The following DKC1 variants were observed in gnomAD, a reference collection of about 807,000 sequenced individuals.
The protein encoded by DKC1 is H/ACA ribonucleoprotein complex subunit DKC1.
A neutral mutation model predicts 46.7 loss-of-function variants in DKC1; 4 were observed. The ratio of observed to expected loss-of-function variants is 0.09; its 90% CI spans 0.04 to 0.20. DKC1 has a LOEUF of 0.20. Among genes scored for constraint, DKC1 ranks in the 10% least tolerant of loss-of-function variants. DKC1 has a pLI of 1.00. For synonymous variants in DKC1, 141 were observed against 142.4 expected (o/e 0.99, Z 0.07); for missense variants, 171 against 404.2 (o/e 0.42, Z 4.95).
rs138939514 is a variant in DKC1 at position 154,776,759 on chromosome X, G to A, written c.1477-40G>A. 6.0e-6 allele frequency: 7 copies of A among 1,159,907 alleles called. No homozygotes were observed. In the East Asian group the frequency reaches 1.8e-4, roughly 30 times the overall value. Reference sequence around the variant, plus strand: ...TTCTGGGAGAGTCATAGCTTTGTTAGTGGATGGTATCTGTGAGCTTTCATT... The same window carrying A: ...TTCTGGGAGAGTCATAGCTTTGTTAATGGATGGTATCTGTGAGCTTTCATT... On this transcript the variant is annotated intron_variant, in intron 14 of 14. Transcript: ENST00000369550.
At chrX:154,771,559 A>G (rs1436723022) in intron 10 of DKC1, among the ~76,000 whole-genome samples, 5 of 106,773 alleles carry the variant, frequency 4.7e-5, no homozygotes, top group African/African-American at 1.7e-4. Context: ...AGTCTCTGGT[A>G]ACCATTCTTT....
chrX:154,775,174 C>T (rs782263732), intron 12 of DKC1, 21 bp from the exon 13 acceptor site: 2 of 1,201,330 alleles, frequency 1.7e-6, no homozygotes, highest in Admixed American at 4.3e-5. Flanking sequence ...TGAATTTGAC[C>T]TATTGCTACC....
intron 1 of DKC1, among the ~76,000 whole-genome samples, chrX:154,764,566 TAA>T (rs1448023165): frequency 1.8e-5 from 2 of 111,967 alleles, no homozygotes; most frequent in Non-Finnish European, 3.8e-5. Flanking sequence ...TCCTTATTTA[TAA>T]GTTTTCTATT....
At position 154,773,269 on chromosome X, in the gene DKC1, G is replaced by A. The variant is rs782743841; in HGVS notation, c.1155+20G>A. 4.2e-5 allele frequency: 37 copies of A among 874,124 alleles called. No individual in the cohort carries two copies. The highest frequency in any genetic ancestry group is 2.6e-4 in the East Asian group (8 of 31,246). 72.0% of individuals were successfully genotyped at this position (874,124 alleles called of 1,213,427 possible). ...CCAAAGGTAAGTGGTACTGGGTTGC[G>A]TGCCCTGCCAGGTTCTTTTTTTTTT... is the stretch of plus-strand genomic sequence containing the variant. On this transcript the variant is annotated intron_variant, in intron 11 of 14. Transcript: ENST00000369550.
In DKC1 at chrX:154,769,211, G is replaced by A; in HGVS notation, c.816G>A (p.Leu272=). 8.3e-7 allele frequency: 1 copy of A among 1,210,575 alleles called. No homozygotes were observed. Residue 272 remains leucine, a synonymous_variant, in exon 9 of 15, where the codon CTG becomes CTA. Coordinates refer to ENST00000369550, the MANE Select transcript of DKC1 (RefSeq NM_001363.5). The part of the protein sequence containing the change: ...TMHDVLDAQW[L]YDNHKDESYL... ...ATGATGTGCTTGATGCTCAGTGGCT[G>A]TATGATAACCACAAGGATGAGAGTT...
rs1557264307 is a variant in DKC1 at position 154,767,396 on chromosome X, C to T, written c.640+14C>T. 1 of 1,210,110 alleles carries T rather than the reference C, an allele frequency of 8.3e-7. No homozygotes were observed. Among genetic ancestry groups the T allele is most frequent in the East Asian group, 3.0e-5 (1 of 33,854 alleles). ...AAAGAAGATTAGGTGAGTCATTAGG[C>T]CTGTGAGTGGGTATGAACACATTCT... is the stretch of plus-strand genomic sequence containing the variant. On this transcript the variant is annotated intron_variant, in intron 7 of 14. Coordinates refer to ENST00000369550, the MANE Select transcript of DKC1 (RefSeq NM_001363.5).
chrX:154,776,282 G>C lies in DKC1; in HGVS notation c.1434G>C (p.Lys478Asn). The C allele has an allele frequency of 8.3e-7, 1 of 1,207,771 alleles. No individual in the cohort carries two copies. The highest frequency in any genetic ancestry group is 1.1e-6 in the Non-Finnish European group (1 of 893,105). Residue 478 changes from lysine (K) to asparagine (N), a missense_variant, in exon 14 of 15, where the codon AAG becomes AAC. By Grantham distance (94) the Lys-to-Asn change is moderately conservative. This residue lies in a region of DKC1 where 54 missense variants were observed against 64.4 expected (regional missense o/e 0.84). Transcript: ENST00000369550. Reference sequence around the variant, plus strand: ...AGAAGAAGAGTAAGAAGGACAAGAAGGCCAAAGCTGGTCTGGAGAGCGGGG... The same window carrying C: ...AGAAGAAGAGTAAGAAGGACAAGAACGCCAAAGCTGGTCTGGAGAGCGGGG... ...KEKKKSKKDK[K>N]AKAGLESGAE...
At chrX:154,767,219 T>C in intron 6 of DKC1, 37 bp from the exon 7 acceptor site, 1 of 1,211,433 alleles carries the variant, frequency 8.3e-7, no homozygotes, top group Non-Finnish European at 1.1e-6. Context: ...ATGTACATTC[T>C]GATGAGGTGT....
intron 7 of DKC1, 134 bp downstream of exon 7, chrX:154,767,516 G>T (rs2071761118): frequency 1.4e-5 from 11 of 789,525 alleles, no homozygotes; most frequent in Non-Finnish European, 2.1e-5. Context: ...GTGGGCGATA[G>T]TTTTTGTTAT....
At chrX:154,764,511 A>G (rs1206361091) in intron 1 of DKC1, among the ~76,000 whole-genome samples, 1 of 111,981 alleles carries the variant, frequency 8.9e-6, no homozygotes, top group Non-Finnish European at 1.9e-5. Flanking sequence ...TTAGCTTAAA[A>G]CAAACACATT....
chrX:154,776,771 T>G, intron 14 of DKC1, 28 bp from the exon 15 acceptor site: 1 of 1,189,705 alleles, frequency 8.4e-7, no homozygotes. Flanking sequence ...GGATGGTATC[T>G]GTGAGCTTTC....
chrX:154,774,559 G>A, intron 11 of DKC1, 43 bp from the exon 12 acceptor site: 1 of 1,123,768 alleles, frequency 8.9e-7, no homozygotes, highest in Non-Finnish European at 1.2e-6. Flanking sequence ...CCCGCTTCCA[G>A]CATTGACACC....
intron 8 of DKC1, 94 bp downstream of exon 8, chrX:154,768,526 C>T: frequency 8.9e-7 from 1 of 1,125,912 alleles, no homozygotes; most frequent in East Asian, 3.0e-5. Flanking sequence ...GGGAAAGATG[C>T]TTTCCAAAGT....
At chrX:154,770,932 G>A in intron 10 of DKC1, 53 bp downstream of exon 10, 2 of 1,146,144 alleles carry the variant, frequency 1.7e-6, no homozygotes, top group South Asian at 1.8e-5. Context: ...TTACATACTA[G>A]GTGTATATAT....
chrX:154,766,206 T>G lies in DKC1; in HGVS notation c.264-10T>G. 1 of 1,205,236 alleles carries G rather than the reference T, an allele frequency of 8.3e-7. No individual in the cohort carries two copies. Among genetic ancestry groups the G allele is most frequent in the East Asian group, 3.0e-5 (1 of 33,837 alleles). ...GGGTGATACATTAATTTTTTTTTTT[T>G]CCATTCCAGGACAGGTTTCATTAAT... On this transcript the variant is annotated splice_polypyrimidine_tract_variant and intron_variant, in intron 4 of 14. Coordinates refer to ENST00000369550, the MANE Select transcript of DKC1 (RefSeq NM_001363.5).
chrX:154,768,668 T>C (rs1569558547), intron 8 of DKC1: 1 of 491,302 alleles, frequency 2.0e-6, no homozygotes, highest in Non-Finnish European at 3.6e-6. Context: ...AAATGCCTGC[T>C]TGGGGTCTAA....
chrX:154,763,066 G>A (rs1205077800), intron 1 of DKC1, 85 bp downstream of exon 1: 2 of 1,065,751 alleles, frequency 1.9e-6, no homozygotes, highest in Non-Finnish European at 2.6e-6. Context: ...GCCCGCGCAC[G>A]CCTCCCTCTG....
In DKC1 at chrX:154,775,270, G is replaced by A. The variant is rs782765291; in HGVS notation, c.1335G>A (p.Ala445=). 14 of 1,209,060 alleles carry A rather than the reference G, an allele frequency of 1.2e-5. No homozygotes were observed. The highest frequency in any genetic ancestry group is 2.6e-4 in the Middle Eastern group (1 of 3,810). Residue 445 remains alanine, a synonymous_variant, in exon 13 of 15, where the codon GCG becomes GCA. Transcript: ENST00000369550. ...TAGTTGCCGAAGCAGCAAAAACTGC[G>A]AAGGTGAGTGGCATGCTGTCCTCAG... ...PQVVAEAAKT[A]KRKRESESES...
chrX:154,762,958 AG>A lies in DKC1; in HGVS notation c.-5del. Reference sequence around the variant, plus strand: ...GGACCGGGCGGCACGCACGCGGTGCAGGGTAACATGGCGGATGCGGAAGGTA... The same window carrying A: ...GGACCGGGCGGCACGCACGCGGTGCAGGTAACATGGCGGATGCGGAAGGTA... On this transcript the variant is annotated 5_prime_UTR_variant, in exon 1 of 15. Transcript: ENST00000369550. 1 of 1,178,347 alleles carries A rather than the reference AG, an allele frequency of 8.5e-7. No individual in the cohort carries two copies. Among genetic ancestry groups the A allele is most frequent in the East Asian group, 3.1e-5 (1 of 31,893 alleles).
Sources: gnomAD v4.1 joint callset for allele counts (sites outside exome capture counted in the v4.1 genomes callset) on GRCh38, gnomAD v4.1.1 for gene constraint, gnomAD v4.1.1 regional missense constraint, MANE v1.5 for transcripts, NCBI Gene and HGNC (gene_info 2026-07-23, HGNC 2026-07-21) for gene names.